The following RAD17 variants were observed in gnomAD, a reference collection of about 807,000 sequenced individuals.
The protein encoded by RAD17 is cell cycle checkpoint protein RAD17.
RAD17 carries 31 observed loss-of-function variants against 81.5 expected under a neutral mutation model. That is an observed-to-expected ratio of 0.38 (90% CI 0.29 to 0.51). RAD17 has a LOEUF of 0.51. RAD17 is among the 20% of genes least tolerant of loss of function. The pLI is 0.88. For missense variants in RAD17, 681 were observed against 781.2 expected (o/e 0.87, Z 1.53); for synonymous variants, 261 against 266.2 (o/e 0.98, Z 0.19).
intron 17 of RAD17, among the ~76,000 whole-genome samples, chr5:69,406,867 A>G (rs1765635292): frequency 6.6e-6 from 1 of 152,080 alleles, no homozygotes; most frequent in African/African-American, 2.4e-5. Flanking sequence ...CCACAAAAAT[A>G]ATAACTCTGT....
At chr5:69,373,744 T>C in intron 4 of RAD17, 86 bp from the exon 5 acceptor site, 1 of 942,672 alleles carries the variant, frequency 1.1e-6, no homozygotes, top group Non-Finnish European at 1.6e-6. Context: ...AATATATGAA[T>C]ATGTTGTTTC....
At chr5:69,399,381 C>G (rs1163323370) in intron 16 of RAD17, among the ~76,000 whole-genome samples, 1 of 152,210 alleles carries the variant, frequency 6.6e-6, no homozygotes, top group Non-Finnish European at 1.5e-5. Flanking sequence ...CTGGTTCATT[C>G]ACTTATATTG....
chr5:69,369,596 C>A, upstream of RAD17: 1 of 1,591,276 alleles, frequency 6.3e-7, no homozygotes, highest in South Asian at 1.1e-5. Context: ...CCCAAAGGCC[C>A]CGAAGCCCAC....
In RAD17 at chr5:69,388,134, C is replaced by T. The variant is rs17229978; in HGVS notation, c.895-900C>T. On this transcript the variant is annotated intron_variant, in intron 11 of 18. Coordinates refer to ENST00000354868, the MANE Select transcript of RAD17 (RefSeq NM_133338.3). ...ACAGTGGTGGGAGGATTTGTTGAGC[C>T]TGGGAGCTCAAGACCAGCCCAGGTG... Among the ~76,000 whole-genome samples, 551 of 152,252 alleles carry T rather than the reference C, an allele frequency of 3.6e-3. 4 individuals carry two copies. Among genetic ancestry groups the T allele is most frequent in the African/African-American group, 0.012 (515 of 41,528 alleles).
At chr5:69,389,183 G>A in intron 12 of RAD17, 38 bp downstream of exon 12, 2 of 1,248,640 alleles carry the variant, frequency 1.6e-6, no homozygotes, top group South Asian at 1.4e-5. Flanking sequence ...CATTATATAG[G>A]TGACTGACTT....
At chr5:69,369,308 G>A (rs1580334868), upstream of RAD17, 1 of 438,164 alleles carries the variant, frequency 2.3e-6, no homozygotes, top group Non-Finnish European at 3.1e-6. Flanking sequence ...CAACGCCCGC[G>A]AGGGTCGGCT....
chr5:69,385,173 G>A (rs1764117508), intron 8 of RAD17, among the ~76,000 whole-genome samples: 1 of 151,416 alleles, frequency 6.6e-6, no homozygotes, highest in African/African-American at 2.4e-5. Flanking sequence ...TGTTAGCCAG[G>A]ATGGTCTCGA....
chr5:69,390,954 A>C (rs1475873025), intron 12 of RAD17, among the ~76,000 whole-genome samples: 2 of 67,044 alleles, frequency 3.0e-5, no homozygotes, highest in Admixed American at 3.0e-4. Context: ...CCCTGTGTCA[A>C]AAAAAAAAAA....
chr5:69,369,776 C>T, upstream of RAD17: 1 of 1,442,226 alleles, frequency 6.9e-7, no homozygotes, highest in South Asian at 1.2e-5. Context: ...TGGTCCCCGC[C>T]CTTCGCTTGC....
At chr5:69,386,548 A>G in intron 11 of RAD17, 83 bp downstream of exon 11, 1 of 1,316,684 alleles carries the variant, frequency 7.6e-7, no homozygotes, top group Non-Finnish European at 9.8e-7. Context: ...AAGGAGTGTT[A>G]TTTTAATTTT....
intron 16 of RAD17, among the ~76,000 whole-genome samples, chr5:69,398,532 C>T (rs557205310): frequency 5.9e-5 from 9 of 152,140 alleles, no homozygotes; most frequent in South Asian, 2.1e-4. Flanking sequence ...TTCGGCTGGG[C>T]GCTGTGACTC....
At chr5:69,403,224 T>A (rs1765382207) in intron 17 of RAD17, among the ~76,000 whole-genome samples, 1 of 152,186 alleles carries the variant, frequency 6.6e-6, no homozygotes, top group African/African-American at 2.4e-5. Context: ...AGTGATTTAG[T>A]TTCCGTGTGT....
Position 69,369,843 on chromosome 5 carries a change from G to T in RAD17, c.-507G>T, listed in dbSNP as rs1052393264. 4.4e-5 allele frequency: 37 copies of T among 841,268 alleles called. No homozygotes were observed. Among genetic ancestry groups the T allele is most frequent in the Middle Eastern group, 5.6e-4 (2 of 3,602 alleles). 52.1% of individuals were successfully genotyped at this position (841,268 alleles called of 1,614,324 possible). ...GTACCTCCGAGAGGCTCGGCGTTGAGCCCGGGTAGGGCCAGGTGGCTGCCC... is the reference window on the plus strand; with the variant it reads ...GTACCTCCGAGAGGCTCGGCGTTGATCCCGGGTAGGGCCAGGTGGCTGCCC... On this transcript the variant is annotated 5_prime_UTR_variant, in exon 1 of 19. Coordinates refer to ENST00000354868, the MANE Select transcript of RAD17 (RefSeq NM_133338.3).
chr5:69,376,538 TAC>T (rs1336205260), intron 6 of RAD17, among the ~76,000 whole-genome samples: 3 of 152,332 alleles, frequency 2.0e-5, no homozygotes, highest in Non-Finnish European at 4.4e-5. Context: ...GGGTAGAAGG[TAC>T]AGAGATGTAC....
intron 7 of RAD17, among the ~76,000 whole-genome samples, chr5:69,383,270 G>A (rs906221762): frequency 2.0e-4 from 30 of 152,190 alleles, no homozygotes; most frequent in African/African-American, 5.3e-4. Flanking sequence ...TTAATGTGGA[G>A]TGTTCCTCAA....
chr5:69,387,142 C>A (rs923832829), intron 11 of RAD17, among the ~76,000 whole-genome samples: 4 of 152,020 alleles, frequency 2.6e-5, no homozygotes, highest in Admixed American at 2.6e-4. Flanking sequence ...CCAGGCTGGT[C>A]TCGAATTCCT....
At chr5:69,389,780 A>G (rs975248590) in intron 12 of RAD17, among the ~76,000 whole-genome samples, 38 of 152,268 alleles carry the variant, frequency 2.5e-4, no homozygotes, top group African/African-American at 8.7e-4. Flanking sequence ...AGCTGGGACT[A>G]CAGGCAGCTG....
chr5:69,402,440 C>T (rs1244747729), intron 17 of RAD17, among the ~76,000 whole-genome samples: 1 of 152,056 alleles, frequency 6.6e-6, no homozygotes, highest in East Asian at 2.0e-4. Context: ...CCGAGGCGGG[C>T]GGATCACGAG....
rs1764204644 is a variant in RAD17, at chr5:69,386,230, G to A, written c.749G>A (p.Ser250Asn). The A allele has an allele frequency of 6.2e-7, 1 of 1,608,434 alleles. No individual in the cohort carries two copies. The highest frequency in any genetic ancestry group is 8.5e-7 in the Non-Finnish European group (1 of 1,176,430). Residue 250 changes from serine to asparagine, a missense_variant, in exon 10 of 19, where the codon AGT becomes AAT. Physicochemically the swap from Ser to Asn is conservative, Grantham distance 46. Coordinates refer to ENST00000354868, the MANE Select transcript of RAD17 (RefSeq NM_133338.3). ...RCPLIFIISD[S>N]LSGDNNQRLL... ...CCTCTTATATTTATAATCTCGGACA[G>A]TCTCAGTGGAGATAATAATCAAAGG...
Sources: allele counts gnomAD v4.1 joint callset (sites outside exome capture counted in the v4.1 genomes callset), GRCh38; gene constraint gnomAD v4.1.1; transcripts MANE v1.5; gene names NCBI Gene and HGNC (gene_info 2026-07-23, HGNC 2026-07-21).